The following RARB variants were observed in gnomAD, a reference collection of about 807,000 sequenced individuals.
RARB encodes the protein retinoic acid receptor beta, also known as HBV-activated protein.
In RARB, 17 loss-of-function variants were observed where a neutral mutation model predicts 51.9. The observed-to-expected ratio is 0.33, with a 90% CI of 0.22 to 0.49. The LOEUF (loss-of-function observed/expected upper bound fraction) is 0.49. Among genes scored for constraint, RARB ranks in the 20% least tolerant of loss-of-function variants. RARB has a pLI of 0.99. For missense variants in RARB, 369 were observed against 550.8 expected (o/e 0.67, Z 3.30); for synonymous variants, 215 against 195.4 (o/e 1.10, Z -0.84).
At chr3:25,069,220 G>A (rs763049844) in intron 3 of RARB, among the ~76,000 whole-genome samples, 2 of 150,362 alleles carry the variant, frequency 1.3e-5, no homozygotes, top group African/African-American at 2.5e-5. Context: ...ATTTTTTTTT[G>A]AGTCTATAAA....
intron 3 of RARB, among the ~76,000 whole-genome samples, chr3:25,079,783 G>A (rs892003683): frequency 6.6e-6 from 1 of 152,078 alleles, no homozygotes. Context: ...ATTTGCTAAA[G>A]GTTTAAGATT....
chr3:25,005,374 G>A (rs757953813), intron 2 of RARB, among the ~76,000 whole-genome samples: 16 of 152,154 alleles, frequency 1.1e-4, no homozygotes, highest in Non-Finnish European at 1.9e-4. Flanking sequence ...AATTTCTCAT[G>A]AAGTCACAGA....
chr3:25,348,593 T>C (rs150068958), intron 5 of RARB, among the ~76,000 whole-genome samples: 1 of 152,246 alleles, frequency 6.6e-6, no homozygotes, highest in East Asian at 1.9e-4. Context: ...GGGATAATAA[T>C]TGCAAGTCCT....
intron 2 of RARB, among the ~76,000 whole-genome samples, chr3:24,992,820 C>T (rs895130370): frequency 1.3e-5 from 2 of 152,108 alleles, no homozygotes; most frequent in Non-Finnish European, 2.9e-5. Flanking sequence ...GGCCCTGTCT[C>T]CAAATATAGT....
chr3:25,566,879 G>A (rs922749061), intron 3 of RARB, among the ~76,000 whole-genome samples: 2 of 152,184 alleles, frequency 1.3e-5, no homozygotes, highest in South Asian at 2.1e-4. Flanking sequence ...ACATGGTATT[G>A]TTGGGCCTCA....
intron 2 of RARB, among the ~76,000 whole-genome samples, chr3:24,938,699 T>G (rs985464086): frequency 3.9e-5 from 6 of 152,180 alleles, no homozygotes; most frequent in African/African-American, 1.4e-4. Context: ...ACAGAAGCTG[T>G]GTACCCATTA....
At chr3:24,971,901 G>T (rs1696406756) in intron 2 of RARB, among the ~76,000 whole-genome samples, 1 of 151,868 alleles carries the variant, frequency 6.6e-6, no homozygotes, top group Non-Finnish European at 1.5e-5. Flanking sequence ...GATACATAAT[G>T]GATGTACATA....
chr3:25,436,456 A>C (rs1390720943), intron 1 of RARB, among the ~76,000 whole-genome samples: 2 of 152,204 alleles, frequency 1.3e-5, no homozygotes, highest in African/African-American at 4.8e-5. Context: ...GCCCCATTGA[A>C]ACTAACTGCT....
chr3:25,416,915 G>A (rs1692988481), intron 5 of RARB, among the ~76,000 whole-genome samples: 1 of 152,208 alleles, frequency 6.6e-6, no homozygotes, highest in African/African-American at 2.4e-5. Flanking sequence ...GACCAGGAAA[G>A]TTCTCACAAG....
intron 2 of RARB, among the ~76,000 whole-genome samples, chr3:25,480,471 A>G (rs570358524): frequency 6.6e-6 from 1 of 152,198 alleles, no homozygotes; most frequent in African/African-American, 2.4e-5. Context: ...TGCCTATGTC[A>G]TGGGCCAGGT....
chr3:25,262,861 A>G (rs964983935), intron 5 of RARB, among the ~76,000 whole-genome samples: 3 of 152,182 alleles, frequency 2.0e-5, no homozygotes, highest in Non-Finnish European at 4.4e-5. Context: ...CAGTGTTCCT[A>G]TAACATTCTG....
chr3:25,466,865 A>C (rs1024269721), intron 2 of RARB, among the ~76,000 whole-genome samples: 2 of 152,256 alleles, frequency 1.3e-5, no homozygotes, highest in African/African-American at 4.8e-5. Context: ...CTTTGTTTAC[A>C]AAAGCAGTGG....
intron 3 of RARB, among the ~76,000 whole-genome samples, chr3:25,076,508 T>C (rs990175452): frequency 3.3e-5 from 5 of 152,316 alleles, no homozygotes; most frequent in African/African-American, 1.2e-4. Flanking sequence ...ACCAAACTTA[T>C]TTTCCATGAA....
chr3:25,145,248 C>T (rs1192995941), intron 4 of RARB, among the ~76,000 whole-genome samples: 1 of 152,184 alleles, frequency 6.6e-6, no homozygotes, highest in African/African-American at 2.4e-5. Context: ...CTTCCAAATG[C>T]CTCCCTGTTC....
At chr3:24,984,768 GT>G (rs5847332) in intron 2 of RARB, among the ~76,000 whole-genome samples, 132,477 of 152,176 alleles carry the variant, frequency 0.87, 57,754 homozygotes, top group South Asian at 0.93. Context: ...AAGTTGCTGT[GT>G]TGGGGAAACA....
intron 5 of RARB, among the ~76,000 whole-genome samples, chr3:25,336,844 G>C (rs1705077725): frequency 6.6e-6 from 1 of 152,154 alleles, no homozygotes; most frequent in African/African-American, 2.4e-5. Flanking sequence ...TGACGCTGTA[G>C]AACGGCTCAC....
intron 2 of RARB, among the ~76,000 whole-genome samples, chr3:24,924,708 C>T (rs886646959): frequency 2.6e-5 from 4 of 152,068 alleles, no homozygotes; most frequent in Admixed American, 2.6e-4. Context: ...GTTTTAGTCT[C>T]AATCCTGTAT....
At chr3:25,124,100 C>T (rs952347250) in intron 3 of RARB, among the ~76,000 whole-genome samples, 12 of 152,136 alleles carry the variant, frequency 7.9e-5, no homozygotes, top group South Asian at 2.1e-4. Flanking sequence ...CCAGGCCGGG[C>T]GCGGTGGCTC....
chr3:25,032,933 G>C (rs773137310), intron 2 of RARB, among the ~76,000 whole-genome samples: 11 of 152,164 alleles, frequency 7.2e-5, no homozygotes, highest in Middle Eastern at 3.2e-3. Context: ...AATGAACATA[G>C]TATTTTGCAA....
Sources: allele counts gnomAD v4.1 joint callset (sites outside exome capture counted in the v4.1 genomes callset), GRCh38; gene constraint gnomAD v4.1.1; transcripts MANE v1.5; gene names NCBI Gene and HGNC (gene_info 2026-07-23, HGNC 2026-07-21).